The following SRGAP3 variants were observed in gnomAD, a reference collection of about 807,000 sequenced individuals.
The protein encoded by SRGAP3 is SLIT-ROBO Rho GTPase activating protein 3, also known as SLIT-ROBO Rho GTPase-activating protein 3.
A neutral mutation model predicts 121.1 loss-of-function variants in SRGAP3; 39 were observed. The observed-to-expected ratio is 0.32, with a 90% CI of 0.25 to 0.42. The LOEUF is 0.42. Ranked by LOEUF, SRGAP3 falls within the 10% of genes least tolerant of loss-of-function variation. The probability of loss-of-function intolerance (pLI) is 1.00; values close to 1 mark genes in which losing one functional copy is unlikely to be tolerated. For missense variants in SRGAP3, 1,213 were observed against 1,470.6 expected, an observed-to-expected ratio of 0.82 and a Z score of 2.86; for synonymous variants, 601 against 570.0, an observed-to-expected ratio of 1.05 and a Z score of -0.77.
intron 3 of SRGAP3, among the ~76,000 whole-genome samples, chr3:9,307,099 A>T (rs915430562): frequency 6.6e-6 from 1 of 152,016 alleles, no homozygotes; most frequent in African/African-American, 2.4e-5. Flanking sequence ...CAGCCTCCCG[A>T]GTAGTTGGGA....
chr3:9,151,200 G>A (rs1005365113), intron 1 of SRGAP3, among the ~76,000 whole-genome samples: 1 of 152,184 alleles, frequency 6.6e-6, no homozygotes, highest in African/African-American at 2.4e-5. Context: ...ATCTGGCTGA[G>A]CACATCAGGC....
chr3:9,154,048 A>G (rs1950314015), intron 1 of SRGAP3, among the ~76,000 whole-genome samples: 1 of 152,110 alleles, frequency 6.6e-6, no homozygotes, highest in Non-Finnish European at 1.5e-5. Context: ...TGAGCACTGA[A>G]GCACTGCCAT....
intron 3 of SRGAP3, among the ~76,000 whole-genome samples, chr3:9,101,781 A>G (rs1948225249): frequency 6.6e-6 from 1 of 152,208 alleles, no homozygotes; most frequent in Admixed American, 6.5e-5. Context: ...GTCTGCCACC[A>G]TAAGAGTCCT....
intron 5 of SRGAP3, among the ~76,000 whole-genome samples, chr3:9,063,632 G>A (rs369979644): frequency 3.9e-5 from 6 of 152,214 alleles, no homozygotes; most frequent in East Asian, 3.9e-4. Context: ...AGCCACTGTG[G>A]CCAGCCCTAC....
intron 21 of SRGAP3, among the ~76,000 whole-genome samples, chr3:8,988,531 C>T (rs1941856801): frequency 6.6e-6 from 1 of 152,178 alleles, no homozygotes; most frequent in Non-Finnish European, 1.5e-5. Flanking sequence ...CATCTGCAAA[C>T]TGAGAACACA....
chr3:8,986,942 C>A (rs1007575659), intron 21 of SRGAP3, among the ~76,000 whole-genome samples: 2 of 152,264 alleles, frequency 1.3e-5, no homozygotes, highest in African/African-American at 4.8e-5. Flanking sequence ...CCCGTCCCCT[C>A]ATGCCCAAGG....
At chr3:9,320,285 A>G (rs532620922) in intron 3 of SRGAP3, among the ~76,000 whole-genome samples, 2 of 152,062 alleles carry the variant, frequency 1.3e-5, no homozygotes, top group African/African-American at 2.4e-5. Flanking sequence ...ACTGATATAT[A>G]TGGTTTGGAT....
intron 1 of SRGAP3, among the ~76,000 whole-genome samples, chr3:9,170,963 G>A (rs930206040): frequency 6.6e-6 from 1 of 152,246 alleles, no homozygotes; most frequent in African/African-American, 2.4e-5. Context: ...GGCCTGTTCT[G>A]TCCCTCAGCA....
chr3:9,065,933 C>T (rs981460858), intron 4 of SRGAP3, among the ~76,000 whole-genome samples: 4 of 152,124 alleles, frequency 2.6e-5, no homozygotes, highest in African/African-American at 9.7e-5. Flanking sequence ...TAATCCACCA[C>T]TTTTTCTACC....
At chr3:9,054,798 T>C (rs60834591) in intron 8 of SRGAP3, among the ~76,000 whole-genome samples, 15,935 of 152,324 alleles carry the variant, frequency 0.1, 2,541 homozygotes, top group African/African-American at 0.34. Flanking sequence ...CTTTACTCTA[T>C]ATCTAGAACA....
intron 4 of SRGAP3, among the ~76,000 whole-genome samples, chr3:9,067,903 T>G (rs552535558): frequency 9.2e-5 from 14 of 151,642 alleles, no homozygotes; most frequent in African/African-American, 3.4e-4. Flanking sequence ...TTTCTAGGAG[T>G]TTTAGGGAGA....
At chr3:9,341,444 GAAAT>G (rs1354572381) in intron 1 of SRGAP3, among the ~76,000 whole-genome samples, 2 of 152,178 alleles carry the variant, frequency 1.3e-5, no homozygotes, top group Non-Finnish European at 1.5e-5. Flanking sequence ...AGCCTCCCCT[GAAAT>G]AAATACCCAG....
At chr3:9,257,697 C>CTTTT (rs1491519262) in intron 3 of SRGAP3, among the ~76,000 whole-genome samples, 11 of 81,184 alleles carry the variant, frequency 1.4e-4, no homozygotes, top group Non-Finnish European at 1.7e-4. Context: ...CAAAATAGCT[C>CTTTT]CTTTTTTTTT....
chr3:9,269,995 G>A (rs2125260041), intron 3 of SRGAP3, among the ~76,000 whole-genome samples: 1 of 152,208 alleles, frequency 6.6e-6, no homozygotes, highest in Admixed American at 6.5e-5. Context: ...CATCTGGAGG[G>A]CTTCTTAAAC....
intron 18 of SRGAP3, among the ~76,000 whole-genome samples, chr3:9,001,971 C>G (rs1004818048): frequency 6.6e-6 from 1 of 152,124 alleles, no homozygotes; most frequent in Non-Finnish European, 1.5e-5. Flanking sequence ...TTGTTAGAGA[C>G]TTCAATACCC....
chr3:9,125,183 C>T (rs1202424332), intron 1 of SRGAP3, among the ~76,000 whole-genome samples: 1 of 152,198 alleles, frequency 6.6e-6, no homozygotes, highest in Non-Finnish European at 1.5e-5. Flanking sequence ...TTGCCATATT[C>T]ACAGGCCCCA....
At position 9,249,340 on chromosome 3, in the gene SRGAP3, C is replaced by T. The variant is rs1302069623; in HGVS notation, c.-389G>A. 7.1e-6 allele frequency: 3 copies of T among 424,356 alleles called. No individual in the cohort carries two copies. Among genetic ancestry groups the T allele is most frequent in the South Asian group, 2.4e-5 (1 of 42,268 alleles). The allele number at this position is 424,356 out of a possible 1,614,324, so 26.3% of individuals were successfully genotyped here. A position where few individuals can be genotyped will look rare whatever the true frequency, so the allele number is the denominator to read the frequency against. Reference sequence around the variant, plus strand: ...ATGCACAGGCACACTCACCGGGACACGCACACAGTTGTGCTGTGCACACAG... The same window carrying T: ...ATGCACAGGCACACTCACCGGGACATGCACACAGTTGTGCTGTGCACACAG... On this transcript the variant is annotated 5_prime_UTR_variant, in exon 1 of 22. It adds an upstream start codon to the 5' untranslated region. Transcript: ENST00000383836.
chr3:9,308,079 C>T (rs977332985), intron 3 of SRGAP3, among the ~76,000 whole-genome samples: 7 of 152,140 alleles, frequency 4.6e-5, no homozygotes, highest in Admixed American at 1.3e-4. Flanking sequence ...CACTTGAACC[C>T]GGGAGGCATA....
chr3:9,253,425 T>C (rs1183765793), upstream of SRGAP3, among the ~76,000 whole-genome samples: 1 of 152,204 alleles, frequency 6.6e-6, no homozygotes, highest in African/African-American at 2.4e-5. Flanking sequence ...TAGTGAGGCA[T>C]AAATTACAAT....
Sources: gnomAD v4.1 joint callset for allele counts (sites outside exome capture counted in the v4.1 genomes callset) on GRCh38, gnomAD v4.1.1 for gene constraint, MANE v1.5 for transcripts, NCBI Gene and HGNC (gene_info 2026-07-23, HGNC 2026-07-21) for gene names.